TDRD12: variants seen among roughly 807,000 people sequenced by gnomAD.
TDRD12 encodes tudor domain containing 12.
A neutral mutation model predicts 133.5 loss-of-function variants in TDRD12; 158 were observed. The ratio of observed to expected loss-of-function variants is 1.18; its 90% CI spans 1.04 to 1.35. The LOEUF is 1.35. Among genes scored for constraint, TDRD12 ranks in the 40% most tolerant of loss-of-function variants. The probability of loss-of-function intolerance (pLI) is 0.00; values close to 1 mark genes in which losing one functional copy is unlikely to be tolerated. For synonymous variants in TDRD12, 460 were observed against 477.9 expected, an observed-to-expected ratio of 0.96 and a Z score of 0.49; for missense variants, 1,443 against 1,321.3, an observed-to-expected ratio of 1.09 and a Z score of -1.43.
rs575516015 is a variant in TDRD12, at chr19:32,805,938, G to C, written c.2553-1611G>C. On this transcript the variant is annotated intron_variant, in intron 21 of 27. Transcript: ENST00000444215. ...GTAGAGACGGGGTTTCACCATGTTG[G>C]CCAGGCTCATTTCGAACTCCTGACC... Among the ~76,000 whole-genome samples the C allele has an allele frequency of 1.3e-4, 20 of 152,046 alleles. No homozygotes were observed. The South Asian group carries it at 4.2e-3, about 32-fold the overall frequency.
At chr19:32,826,970 T>C (rs1177063257) in intron 9 of TDRD12, among the ~76,000 whole-genome samples, 194 bp from the exon 33 acceptor site, 1 of 152,186 alleles carries the variant, frequency 6.6e-6, no homozygotes, top group Non-Finnish European at 1.5e-5. Context: ...ACTACAGATA[T>C]TCTTCCTAGA....
chr19:32,719,909 C>A, exon 1 of TDRD12: 1 of 809,682 alleles, frequency 1.2e-6, no homozygotes, highest in Non-Finnish European at 2.0e-6. Flanking sequence ...CTCCTGGGGA[C>A]GAGGAGTGTG....
At chr19:32,773,554 T>A in intron 10 of TDRD12, 22 bp downstream of exon 10, 1 of 1,548,628 alleles carries the variant, frequency 6.5e-7, no homozygotes, top group Non-Finnish European at 8.7e-7. Context: ...AAATTCAAAC[T>A]GGGTGTGGTG....
intron 2 of TDRD12, among the ~76,000 whole-genome samples, chr19:32,736,027 T>G (rs891300140): frequency 6.6e-6 from 1 of 152,094 alleles, no homozygotes; most frequent in Non-Finnish European, 1.5e-5. Flanking sequence ...AAGGTCAGAG[T>G]GGCTTTCTTT....
intron 10 of TDRD12, 98 bp from the exon 11 acceptor site, chr19:32,777,051 G>C: frequency 1.3e-6 from 1 of 779,168 alleles, no homozygotes; most frequent in East Asian, 2.9e-5. Context: ...ACCATGCCCG[G>C]CATTTTTTAT....
At chr19:32,800,242 G>A (rs1455725501) in exon 17 of TDRD12, 4 of 1,535,066 alleles carry the variant, frequency 2.6e-6, no homozygotes, top group Non-Finnish European at 3.5e-6. Flanking sequence ...TCAGATTGTT[G>A]CAGTTGGAGT....
downstream of TDRD12, among the ~76,000 whole-genome samples, chr19:32,824,924 C>A (rs1967536207): frequency 6.6e-6 from 1 of 152,184 alleles, no homozygotes; most frequent in Non-Finnish European, 1.5e-5. Flanking sequence ...TGGTTGACGG[C>A]TCCGAGGAGG....
chr19:32,751,221 G>A (rs911556289), intron 6 of TDRD12, among the ~76,000 whole-genome samples: 2 of 148,776 alleles, frequency 1.3e-5, no homozygotes, highest in Admixed American at 1.4e-4. Flanking sequence ...TTCAGTTCCT[G>A]CATTAGTTTG....
At chr19:32,776,119 CTCTT>C (rs1223824881) in intron 10 of TDRD12, among the ~76,000 whole-genome samples, 1 of 152,188 alleles carries the variant, frequency 6.6e-6, no homozygotes, top group Non-Finnish European at 1.5e-5. Context: ...TGAACCACCT[CTCTT>C]TCTTTTCAGA....
chr19:32,764,506 C>T (rs1970240487), intron 8 of TDRD12, among the ~76,000 whole-genome samples: 1 of 152,184 alleles, frequency 6.6e-6, no homozygotes, highest in African/African-American at 2.4e-5. Flanking sequence ...TCTATTGAGA[C>T]TCCTATTATG....
chr19:32,774,767 G>T (rs556920207), intron 10 of TDRD12, among the ~76,000 whole-genome samples: 1 of 152,112 alleles, frequency 6.6e-6, no homozygotes, highest in Non-Finnish European at 1.5e-5. Context: ...GACCTCACCC[G>T]AGGTCAGGAG....
chr19:32,823,892 T>G (rs1436088851), downstream of TDRD12, among the ~76,000 whole-genome samples: 2 of 152,236 alleles, frequency 1.3e-5, no homozygotes, highest in African/African-American at 4.8e-5. Flanking sequence ...CCGGCCCATT[T>G]GCACTTTGCA....
chr19:32,817,842 C>G (rs761989490), intron 26 of TDRD12, among the ~76,000 whole-genome samples: 2 of 149,730 alleles, frequency 1.3e-5, no homozygotes, highest in East Asian at 1.9e-4. Flanking sequence ...CTAAATGGCC[C>G]GTACACACGA....
intron 2 of TDRD12, among the ~76,000 whole-genome samples, chr19:32,735,196 A>G (rs1969188343): frequency 6.6e-6 from 1 of 152,206 alleles, no homozygotes; most frequent in East Asian, 1.9e-4. Context: ...TCTTGCACCA[A>G]ACAGTTAGCA....
intron 6 of TDRD12, 113 bp from the exon 7 acceptor site, chr19:32,755,879 C>G (rs1443380914): frequency 2.6e-6 from 2 of 770,300 alleles, no homozygotes; most frequent in Non-Finnish European, 3.8e-6. Context: ...AGATTATGTT[C>G]TGTAAAATAA....
intron 1 of TDRD12, among the ~76,000 whole-genome samples, chr19:32,726,226 T>G (rs2145416170): frequency 6.6e-6 from 1 of 151,652 alleles, no homozygotes; most frequent in East Asian, 1.9e-4. Flanking sequence ...GACTACAGGC[T>G]CCCACCACCA....
exon 24 of TDRD12, chr19:32,811,291 G>T: frequency 6.5e-7 from 1 of 1,536,112 alleles, no homozygotes; most frequent in Non-Finnish European, 8.7e-7. Context: ...ATGAAGGCAG[G>T]ACGGGGCTCG....
intron 6 of TDRD12, among the ~76,000 whole-genome samples, chr19:32,753,818 G>T (rs1007537216): frequency 6.6e-6 from 1 of 151,604 alleles, no homozygotes; most frequent in African/African-American, 2.4e-5. Context: ...CGCCCGGCTG[G>T]CCCCTTATTC....
intron 11 of TDRD12, among the ~76,000 whole-genome samples, chr19:32,789,238 G>A (rs1000632804): frequency 6.6e-6 from 1 of 152,152 alleles, no homozygotes; most frequent in Non-Finnish European, 1.5e-5. Flanking sequence ...TCTTGGGGCT[G>A]TTACCAGTTT....
Sources: gnomAD v4.1 joint callset for allele counts (sites outside exome capture counted in the v4.1 genomes callset) on GRCh38, gnomAD v4.1.1 for gene constraint, MANE v1.5 for transcripts, NCBI Gene and HGNC (gene_info 2026-07-23, HGNC 2026-07-21) for gene names.